MAPT: variants seen among roughly 807,000 people sequenced by gnomAD.
The protein encoded by MAPT is microtubule-associated protein tau.
In MAPT, 34 loss-of-function variants were observed where a neutral mutation model predicts 67.9. That is an observed-to-expected ratio of 0.50 (90% confidence interval 0.38 to 0.67). The LOEUF (loss-of-function observed/expected upper bound fraction) is 0.67, where lower values mean the gene tolerates loss of function less well. MAPT is among the 30% of genes least tolerant of loss of function. MAPT has a pLI of 0.00. For missense variants in MAPT, 881 were observed against 1,115.2 expected (o/e 0.79, Z 2.99); for synonymous variants, 456 against 464.5 (o/e 0.98, Z 0.23).
At position 45,996,579 on chromosome 17, in the gene MAPT, C is replaced by T; in HGVS notation, c.1913C>T (p.Ala638Val). 6.2e-7 allele frequency: 1 copy of T among 1,613,754 alleles called. No individual in the cohort carries two copies. Among genetic ancestry groups the T allele is most frequent in the East Asian group, 2.2e-5 (1 of 44,868 alleles). The change falls in exon 9 of 13, where the codon GCC becomes GTC. Residue 638 changes from alanine (A) to valine (V), a missense_variant. Transcript: ENST00000262410. The surrounding 1 kb of genome is among the most constrained non-coding windows in gnomAD (Gnocchi z 4.5). ...TCCGCCAAGAGCCGCCTGCAGACAG[C>T]CCCCGTGCCCATGCCAGACCTGAAG... ...PSSAKSRLQT[A>V]PVPMPDLKNV...
rs899678166 is a variant in MAPT, at chr17:45,896,714, C to T, written c.-18+2028C>T. The T allele has an allele frequency of 1.3e-5, 2 of 152,140 alleles. No homozygotes were observed. The highest frequency in any genetic ancestry group is 4.8e-5 in the African/African-American group (2 of 41,400). The allele number at this position is 152,140 out of a possible 1,614,324, so 9.4% of individuals were successfully genotyped here. On this transcript the variant is annotated intron_variant, in intron 1 of 12. Transcript: ENST00000262410. The surrounding 1 kb of genome is among the most constrained non-coding windows in gnomAD (Gnocchi z 5.6). The stretch of plus-strand genomic sequence containing the variant: ...GCCGCAGACACGCAGATAGGCGGCC[C>T]TGGGTGTATTTTTATTAATATTATG...
Position 46,023,972 on chromosome 17 carries a change from T to A in MAPT, c.2303T>A (p.Leu768Gln). Reference protein sequence around the residue: ...GGNKKIETHKLTFRENAKAKT... With the variant: ...GGNKKIETHKQTFRENAKAKT... ...TTCTTGCAGATTGAAACCCACAAGCTGACCTTCCGCGAGAACGCCAAAGCC... is the reference window on the plus strand; with the variant it reads ...TTCTTGCAGATTGAAACCCACAAGCAGACCTTCCGCGAGAACGCCAAAGCC... Residue 768 changes from leucine to glutamine, a missense_variant, in exon 13 of 13, where the codon CTG (leucine) becomes CAG (glutamine). Transcript: ENST00000262410. 1 of 1,614,070 alleles carries A rather than the reference T, an allele frequency of 6.2e-7. No individual in the cohort carries two copies. The highest frequency in any genetic ancestry group is 8.5e-7 in the Non-Finnish European group (1 of 1,180,024).
At chr17:46,015,222 TGGTG>T in intron 11 of MAPT, among the ~76,000 whole-genome samples, 1 of 151,638 alleles carries the variant, frequency 6.6e-6, no homozygotes, top group Non-Finnish European at 1.5e-5. Flanking sequence ...TAGCCAGGCA[TGGTG>T]GCGGGCGCCT....
In MAPT at chr17:45,955,703, G is replaced by A. The variant is rs543156903; in HGVS notation, c.-17-6618G>A. On this transcript the variant is annotated intron_variant, in intron 1 of 12. Transcript: ENST00000262410. The stretch of plus-strand genomic sequence containing the variant: ...TCCAACAGAAGGCAGAGGGGAGAAC[G>A]GCTCACACGGCACAAACACTCCTTC... Among the ~76,000 whole-genome samples, 7 of 151,990 alleles carry A rather than the reference G, an allele frequency of 4.6e-5. No homozygotes were observed. The South Asian group carries it at 6.2e-4, about 14-fold the overall frequency.
intron 1 of MAPT, among the ~76,000 whole-genome samples, chr17:45,926,967 A>G (rs554423193): frequency 2.3e-3 from 343 of 150,794 alleles, no homozygotes; most frequent in African/African-American, 7.7e-3. Context: ...GTATATATAT[A>G]CATATATGTG....
intron 1 of MAPT, among the ~76,000 whole-genome samples, chr17:45,900,447 G>A (rs2063541529): frequency 6.6e-6 from 1 of 152,184 alleles, no homozygotes; most frequent in Non-Finnish European, 1.5e-5. Flanking sequence ...GATAGAATGG[G>A]CTTCAGCAAA....
intron 1 of MAPT, among the ~76,000 whole-genome samples, chr17:45,959,019 T>C (rs2070071866): frequency 6.6e-6 from 1 of 152,126 alleles, no homozygotes. Context: ...GCTGAGATCG[T>C]ACCATTCCAG....
chr17:46,012,715 C>G (rs969861039), intron 10 of MAPT, among the ~76,000 whole-genome samples: 18 of 152,068 alleles, frequency 1.2e-4, no homozygotes, highest in Admixed American at 6.5e-4. Flanking sequence ...CTGCCATCCA[C>G]TCCTCTCCTT....
rs1568293134 is a variant in MAPT at position 45,990,552 on chromosome 17, G to A, written c.1605+477G>A. The A allele has an allele frequency of 1.7e-5, 7 of 422,424 alleles. No individual in the cohort carries two copies. In the Middle Eastern group the frequency reaches 1.3e-3, roughly 76 times the overall value. 26.2% of individuals were successfully genotyped at this position (422,424 alleles called of 1,614,324 possible). A position where few individuals can be genotyped will look rare whatever the true frequency, so the allele number is the denominator to read the frequency against. The stretch of plus-strand genomic sequence containing the variant: ...GATTGCTTGAACCCCAGAGGCAGAG[G>A]TTGTAGTTAGCTCCAGCTTGGGCGA... On this transcript the variant is annotated intron_variant, in intron 7 of 12. Coordinates refer to ENST00000262410, the MANE Select transcript of MAPT (RefSeq NM_001377265.1).
Position 45,996,566 on chromosome 17 carries a change from C to T in MAPT, c.1900C>T (p.Arg634Cys). The part of the protein sequence containing the change: ...PPKSPSSAKS[R>C]LQTAPVPMPD... ...CAAGTCGCCGTCTTCCGCCAAGAGC[C>T]GCCTGCAGACAGCCCCCGTGCCCAT... Residue 634 changes from arginine (R) to cysteine (C), a missense_variant, in exon 9 of 13, where the codon CGC (arginine) becomes TGC (cysteine). Around this residue, in one of 6 missense-constraint regions of MAPT, gnomAD observed 45 missense variants for 43.2 expected, o/e 1.04. Transcript: ENST00000262410. This position sits in a 1 kb window ranked among gnomAD's most constrained non-coding sequence, Gnocchi z 4.5. 3 of 1,613,746 alleles carry T rather than the reference C, an allele frequency of 1.9e-6. No homozygotes were observed. Among genetic ancestry groups the T allele is most frequent in the Non-Finnish European group, 1.7e-6 (2 of 1,179,860 alleles).
intron 4 of MAPT, among the ~76,000 whole-genome samples, chr17:45,982,664 C>T (rs1381610079): frequency 2.0e-5 from 3 of 152,008 alleles, no homozygotes; most frequent in Admixed American, 6.6e-5. Context: ...AGCCACCTAG[C>T]GAGCTGGTGG....
chr17:45,969,217 G>A (rs190492270), intron 2 of MAPT: 1 of 152,408 alleles, frequency 6.6e-6, no homozygotes, highest in African/African-American at 2.4e-5. Context: ...TCTGATGGCT[G>A]AGACACCACT....
In MAPT at chr17:45,897,197, C is replaced by T. The variant is rs1263860036; in HGVS notation, c.-18+2511C>T. On this transcript the variant is annotated intron_variant, in intron 1 of 12. Transcript: ENST00000262410. This position sits in a 1 kb window ranked among gnomAD's most constrained non-coding sequence, Gnocchi z 5.0. ...CAGAGCTGGGCGCGGGGTTCCCCTT[C>T]CAGATGGAGCGAGGGTCTCGGGGTG... The T allele has an allele frequency of 6.6e-6, 1 of 152,228 alleles. No individual in the cohort carries two copies. The highest frequency in any genetic ancestry group is 1.9e-4 in the East Asian group (1 of 5,174). The allele number at this position is 152,228 out of a possible 1,614,324, so 9.4% of individuals were successfully genotyped here.
At chr17:45,926,942 TATATACATATATGTGTATATATATAC>T (rs1568180090) in intron 1 of MAPT, among the ~76,000 whole-genome samples, 1 of 108,090 alleles carries the variant, frequency 9.3e-6, no homozygotes, top group Non-Finnish European at 2.6e-5. Flanking sequence ...TATACACATA[TATATACATATATGTGTATATATATAC>T]ATATATGTGT....
At chr17:46,020,402 A>T (rs1479114750) in intron 12 of MAPT, among the ~76,000 whole-genome samples, 1 of 152,050 alleles carries the variant, frequency 6.6e-6, no homozygotes, top group Non-Finnish European at 1.5e-5. Context: ...GCAGCCAAGC[A>T]CCCTCTGGGG....
rs192239780 is a variant in MAPT, at chr17:45,928,856, C to T, written c.-17-33465C>T. Among the ~76,000 whole-genome samples the T allele has an allele frequency of 8.0e-4, 121 of 152,198 alleles. 2 individuals carry two copies. In the Middle Eastern group the frequency reaches 0.014, roughly 17 times the overall value. ...AACTACAAGTGCTCGCCACCACGCC[C>T]AGCTAATTTTTTTGTGTTTTTAGTA... On this transcript the variant is annotated intron_variant, in intron 1 of 12. Transcript: ENST00000262410.
At chr17:45,999,098 A>G (rs1173416162) in intron 9 of MAPT, among the ~76,000 whole-genome samples, 2 of 152,122 alleles carry the variant, frequency 1.3e-5, no homozygotes, top group African/African-American at 4.8e-5. Context: ...GGGTTCTGCC[A>G]TACCCTGCCC....
rs181828449 is a variant in MAPT, at chr17:45,980,112, A to G, written c.286+1672A>G. 7.9e-5 allele frequency: 12 copies of G among 152,318 alleles called. No individual in the cohort carries two copies. The East Asian group carries it at 1.3e-3, about 17-fold the overall frequency. 9.4% of individuals were successfully genotyped at this position (152,318 alleles called of 1,614,324 possible). A position where few individuals can be genotyped will look rare whatever the true frequency, so the allele number is the denominator to read the frequency against. On this transcript the variant is annotated intron_variant, in intron 4 of 12. Transcript: ENST00000262410. Reference sequence around the variant, plus strand: ...ACTTACCTGGACTACTGTGTTTACAATACTCATTTATCTTGAACTCCTCCT... The same window carrying G: ...ACTTACCTGGACTACTGTGTTTACAGTACTCATTTATCTTGAACTCCTCCT...
At chr17:45,917,296 G>C (rs1034150734) in intron 1 of MAPT, among the ~76,000 whole-genome samples, 3 of 152,212 alleles carry the variant, frequency 2.0e-5, no homozygotes, top group Non-Finnish European at 4.4e-5. Context: ...AAGGTCGAGT[G>C]GTCGGTCACC....
Sources: allele counts gnomAD v4.1 joint callset (sites outside exome capture counted in the v4.1 genomes callset), GRCh38; gene constraint gnomAD v4.1.1; regional missense constraint gnomAD v4.1.1; non-coding constraint Gnocchi (gnomAD v3.1); transcripts MANE v1.5; gene names NCBI Gene and HGNC (gene_info 2026-07-23, HGNC 2026-07-21).